Variants in PTPRO observed in about 807,000 individuals in gnomAD.
PTPRO encodes receptor-type tyrosine-protein phosphatase O.
PTPRO carries 62 observed loss-of-function variants against 145.2 expected under a neutral mutation model. That is an observed-to-expected ratio of 0.43 (90% confidence interval 0.35 to 0.53). PTPRO has a LOEUF of 0.53. Ranked by LOEUF, PTPRO falls within the 20% of genes least tolerant of loss-of-function variation. The pLI, the probability that PTPRO is intolerant of heterozygous loss-of-function variation, is 0.01. For synonymous variants in PTPRO, 565 were observed against 514.7 expected, an observed-to-expected ratio of 1.10 and a Z score of -1.32; for missense variants, 1,345 against 1,482.7, an observed-to-expected ratio of 0.91 and a Z score of 1.53.
At chr12:15,550,941 G>C (rs908194335) in intron 14 of PTPRO, among the ~76,000 whole-genome samples, 1 of 152,150 alleles carries the variant, frequency 6.6e-6, no homozygotes, top group Non-Finnish European at 1.5e-5. Context: ...CGTGACCCCT[G>C]TTCTTCAGGG....
intron 1 of PTPRO, among the ~76,000 whole-genome samples, chr12:15,360,390 C>T (rs1938136498): frequency 6.6e-6 from 1 of 152,114 alleles, no homozygotes; most frequent in African/African-American, 2.4e-5. Flanking sequence ...TAGTGATACA[C>T]TCTGTCTCCG....
chr12:15,550,739 C>T (rs1377713533), intron 14 of PTPRO, among the ~76,000 whole-genome samples: 2 of 152,168 alleles, frequency 1.3e-5, no homozygotes, highest in Non-Finnish European at 2.9e-5. Context: ...ATCAGATGCA[C>T]CTGCTCATTC....
intron 8 of PTPRO, among the ~76,000 whole-genome samples, chr12:15,516,104 C>T (rs1203562802): frequency 1.3e-5 from 2 of 149,554 alleles, no homozygotes; most frequent in African/African-American, 4.9e-5. Flanking sequence ...AATTCTCCTG[C>T]CTCAGCCTCC....
At chr12:15,508,865 T>C (rs1001034642) in intron 7 of PTPRO, 98 bp downstream of exon 7, 1 of 1,219,324 alleles carries the variant, frequency 8.2e-7, no homozygotes, top group East Asian at 2.5e-5. Context: ...CAGGCTGAGG[T>C]CTGCTGGGAT....
At chr12:15,433,480 G>T (rs561210356) in intron 1 of PTPRO, among the ~76,000 whole-genome samples, 2 of 152,210 alleles carry the variant, frequency 1.3e-5, no homozygotes, top group African/African-American at 4.8e-5. Context: ...ACCATGCCCA[G>T]CCAGTTTTAG....
chr12:15,488,629 C>A (rs1354605222), intron 2 of PTPRO, among the ~76,000 whole-genome samples: 1 of 152,144 alleles, frequency 6.6e-6, no homozygotes, highest in Non-Finnish European at 1.5e-5. Flanking sequence ...GTGTTAGATG[C>A]TTGTCTTGAT....
At chr12:15,537,819 C>G (rs535893234) in intron 12 of PTPRO, among the ~76,000 whole-genome samples, 2 of 152,156 alleles carry the variant, frequency 1.3e-5, no homozygotes, top group African/African-American at 2.4e-5. Context: ...GGAGATGGAA[C>G]CCGGGGATCC....
At chr12:15,354,266 C>T (rs1937908502) in intron 1 of PTPRO, among the ~76,000 whole-genome samples, 1 of 152,150 alleles carries the variant, frequency 6.6e-6, no homozygotes. Flanking sequence ...GCATTGTCCC[C>T]ATAAACTTTT....
chr12:15,408,219 T>A (rs138148270), intron 1 of PTPRO, among the ~76,000 whole-genome samples: 154 of 152,108 alleles, frequency 1.0e-3, no homozygotes, highest in East Asian at 2.9e-3. Context: ...TCTTTTTTTT[T>A]ATTATGCCAC....
intron 2 of PTPRO, among the ~76,000 whole-genome samples, chr12:15,496,791 G>T (rs1942116650): frequency 6.6e-6 from 1 of 152,032 alleles, no homozygotes; most frequent in Admixed American, 6.6e-5. Flanking sequence ...AACTATCATT[G>T]GTCTGAGCCA....
At chr12:15,497,780 G>A (rs957767666) in intron 3 of PTPRO, among the ~76,000 whole-genome samples, 1 of 152,210 alleles carries the variant, frequency 6.6e-6, no homozygotes, top group African/African-American at 2.4e-5. Flanking sequence ...TCAGAGTGGT[G>A]CCTTTTGCAA....
At chr12:15,353,024 T>C (rs886941656) in intron 1 of PTPRO, among the ~76,000 whole-genome samples, 1 of 152,226 alleles carries the variant, frequency 6.6e-6, no homozygotes, top group Non-Finnish European at 1.5e-5. Context: ...ATTTAATTGT[T>C]GAAGAAATTG....
Position 15,526,138 on chromosome 12 carries a change from G to A in PTPRO, c.2044-4G>A. ...TTAAACCCTTGATTTTGATGATCTT[G>A]CAGGTAACACGCAATGTCATGACTG... is the stretch of plus-strand genomic sequence containing the variant. On this transcript the variant is annotated splice_region_variant and splice_polypyrimidine_tract_variant and intron_variant, in intron 11 of 26. Coordinates refer to ENST00000281171, the MANE Select transcript of PTPRO (RefSeq NM_030667.3). 1 of 1,613,934 alleles carries A rather than the reference G, an allele frequency of 6.2e-7. No homozygotes were observed. Among genetic ancestry groups the A allele is most frequent in the Non-Finnish European group, 8.5e-7 (1 of 1,179,902 alleles).
intron 1 of PTPRO, among the ~76,000 whole-genome samples, chr12:15,389,372 G>C (rs1939125674): frequency 6.6e-6 from 1 of 152,090 alleles, no homozygotes. Flanking sequence ...CTCCCAAAAT[G>C]CTGGGATTAC....
chr12:15,374,627 T>C (rs1938627111), intron 1 of PTPRO, among the ~76,000 whole-genome samples: 1 of 152,156 alleles, frequency 6.6e-6, no homozygotes, highest in African/African-American at 2.4e-5. Flanking sequence ...AAAAGCTGTA[T>C]TCACAGGGCA....
chr12:15,361,455 AAAAG>A (rs1938208503), intron 1 of PTPRO, among the ~76,000 whole-genome samples: 1 of 151,306 alleles, frequency 6.6e-6, no homozygotes, highest in African/African-American at 2.4e-5. Flanking sequence ...AAAAAAAAAA[AAAAG>A]AAAGAAAAAG....
chr12:15,562,741 C>CTTTTTTTTTT (rs5796638), intron 17 of PTPRO, among the ~76,000 whole-genome samples: 1 of 144,392 alleles, frequency 6.9e-6, no homozygotes, highest in Non-Finnish European at 1.5e-5. Flanking sequence ...AGTGTTAAAT[C>CTTTTTTTTTT]TTTTTTTTTT....
At chr12:15,368,619 C>A (rs1201971968) in intron 1 of PTPRO, among the ~76,000 whole-genome samples, 1 of 152,086 alleles carries the variant, frequency 6.6e-6, no homozygotes, top group Non-Finnish European at 1.5e-5. Flanking sequence ...AGGAATGAAT[C>A]CATGTTAAGA....
rs113024827 is a variant in PTPRO, at chr12:15,596,144, C to T, written c.*71C>T. On this transcript the variant is annotated 3_prime_UTR_variant, in exon 27 of 27. Coordinates refer to ENST00000281171, the MANE Select transcript of PTPRO (RefSeq NM_030667.3). ...TTGCTTCCAGATTGTTTTAGTGGGC[C>T]CTGATGGTCATTTTTCTAAACAGAG... 1 of 152,354 alleles carries T rather than the reference C, an allele frequency of 6.6e-6. No individual in the cohort carries two copies. The highest frequency in any genetic ancestry group is 6.6e-5 in the Admixed American group (1 of 15,244). The allele number at this position is 152,354 out of a possible 1,614,324, so 9.4% of individuals were successfully genotyped here. A position where few individuals can be genotyped will look rare whatever the true frequency, so the allele number is the denominator to read the frequency against.
Sources: allele counts gnomAD v4.1 joint callset (sites outside exome capture counted in the v4.1 genomes callset), GRCh38; gene constraint gnomAD v4.1.1; transcripts MANE v1.5; gene names NCBI Gene and HGNC (gene_info 2026-07-23, HGNC 2026-07-21).